Variants in KLHL25 observed in about 807,000 individuals in gnomAD.
The protein encoded by KLHL25 is kelch-like protein 25.
In KLHL25, 41 loss-of-function variants were observed where a neutral mutation model predicts 30.0. That is an observed-to-expected ratio of 1.37 (90% CI 1.07 to 1.78). The LOEUF is 1.78. KLHL25 is among the 40% of genes most tolerant of loss of function. The pLI is 0.00. For synonymous variants in KLHL25, 399 were observed against 355.3 expected (o/e 1.12, Z -1.38); for missense variants, 971 against 824.5 (o/e 1.18, Z -2.18).
At chr15:85,781,460 G>A (rs188934384) in intron 1 of KLHL25, among the ~76,000 whole-genome samples, 2 of 152,118 alleles carry the variant, frequency 1.3e-5, no homozygotes, top group African/African-American at 4.8e-5. Context: ...CACACTTTGA[G>A]AACATTGCGG....
rs1275296258 is a variant in KLHL25, at chr15:85,794,862, C to T, written c.-107G>A. 6 of 152,488 alleles carry T rather than the reference C, an allele frequency of 3.9e-5. No individual in the cohort carries two copies. The East Asian group carries it at 1.2e-3, about 29-fold the overall frequency. 9.4% of individuals were successfully genotyped at this position (152,488 alleles called of 1,614,324 possible). On this transcript the variant is annotated 5_prime_UTR_variant, in exon 1 of 3. Coordinates refer to ENST00000337975, the MANE Select transcript of KLHL25 (RefSeq NM_022480.4). Reference sequence around the variant, plus strand: ...CTCCGCCGCGGCTCCCGTCGGCCGGCTCTCCACAGGCAAAAACGCTCTCGC... The same window carrying T: ...CTCCGCCGCGGCTCCCGTCGGCCGGTTCTCCACAGGCAAAAACGCTCTCGC...
chr15:85,782,914 T>A (rs1475572819), intron 1 of KLHL25, among the ~76,000 whole-genome samples: 2 of 152,108 alleles, frequency 1.3e-5, no homozygotes, highest in African/African-American at 4.8e-5. Context: ...TCATCTTTGC[T>A]ACCTAGAATC....
chr15:85,762,453 C>G (rs922939775), intron 2 of KLHL25: 13 of 7,474 alleles, frequency 1.7e-3, no homozygotes, highest in African/African-American at 2.8e-3. Flanking sequence ...CAGGCTGGGT[C>G]CCTTTGTTCC....
At position 85,769,166 on chromosome 15, in the gene KLHL25, G is replaced by A; in HGVS notation, c.645C>T (p.Leu215=). 6.2e-7 allele frequency: 1 copy of A among 1,613,212 alleles called. No individual in the cohort carries two copies. The highest frequency in any genetic ancestry group is 8.5e-7 in the Non-Finnish European group (1 of 1,179,798). ...EDERVVFEAI[L]QWVKHDLEPR... is the part of the protein sequence containing the mutation. ...GCTCCAGGTCGTGCTTCACCCACTG[G>A]AGGATGGCCTCGAAGACCACCCGCT... The change falls in exon 2 of 3, where the codon CTC becomes CTT. Residue 215 remains leucine, a synonymous_variant. Coordinates refer to ENST00000337975, the MANE Select transcript of KLHL25 (RefSeq NM_022480.4).
chr15:85,769,257 A>G lies in KLHL25; in HGVS notation c.554T>C (p.Phe185Ser). 1 of 1,613,844 alleles carries G rather than the reference A, an allele frequency of 6.2e-7. No individual in the cohort carries two copies. Among genetic ancestry groups the G allele is most frequent in the South Asian group, 1.1e-5 (1 of 91,082 alleles). The change falls in exon 2 of 3, where the codon TTC becomes TCC. Residue 185 changes from phenylalanine (F) to serine (S), a missense_variant. Phe to Ser is a radical substitution (Grantham distance 155, BLOSUM62 -2). Transcript: ENST00000337975. ...CAGTGTGTCCTTGGACAGGCTGTTGAAGTCCTCGCTCTGCCTCACCGTCTC... is the reference window on the plus strand; with the variant it reads ...CAGTGTGTCCTTGGACAGGCTGTTGGAGTCCTCGCTCTGCCTCACCGTCTC... The part of the protein sequence containing the change: ...HFETVRQSED[F>S]NSLSKDTLLD...
chr15:85,770,477 C>T lies in KLHL25; in HGVS notation c.-10-657G>A, dbSNP rs765529350. On this transcript the variant is annotated intron_variant, in intron 1 of 2. Transcript: ENST00000337975. ...CTCCAAGCGGTACTGGCTAGACATC[C>T]CCCTTGCCTTGGAACAAGAGCCGCC... 3 of 531,234 alleles carry T rather than the reference C, an allele frequency of 5.6e-6. No individual in the cohort carries two copies. The East Asian group carries it at 1.6e-4, about 29-fold the overall frequency. 32.9% of individuals were successfully genotyped at this position (531,234 alleles called of 1,614,324 possible). A position where few individuals can be genotyped will look rare whatever the true frequency, so the allele number is the denominator to read the frequency against.
intron 1 of KLHL25, among the ~76,000 whole-genome samples, chr15:85,771,487 C>T (rs907080251): frequency 2.6e-5 from 4 of 152,248 alleles, no homozygotes; most frequent in Admixed American, 2.6e-4. Flanking sequence ...GGCTACATGG[C>T]TCTCTCTTGC....
rs1026782981 is a variant in KLHL25 at position 85,769,772 on chromosome 15, G to A, written c.39C>T (p.Ser13=). ...GGGTGACGTTCATGGACCCCGTGCT[G>A]CTCCGCGACTTGCGGGTCTCATGGA... ...VSVHETRKSR[S]STGSMNVTLF... is the part of the protein sequence containing the mutation. The change falls in exon 2 of 3, where the codon AGC becomes AGT. Residue 13 remains serine (S), a synonymous_variant. Coordinates refer to ENST00000337975, the MANE Select transcript of KLHL25 (RefSeq NM_022480.4). 1 of 1,612,474 alleles carries A rather than the reference G, an allele frequency of 6.2e-7. No homozygotes were observed. Among genetic ancestry groups the A allele is most frequent in the East Asian group, 2.2e-5 (1 of 44,868 alleles).
At chr15:85,782,742 CAT>C (rs563848759) in intron 1 of KLHL25, among the ~76,000 whole-genome samples, 139 of 152,260 alleles carry the variant, frequency 9.1e-4, no homozygotes, top group Non-Finnish European at 1.6e-3. Flanking sequence ...CAGTAAATAA[CAT>C]AATTTTGTCT....
chr15:85,772,077 C>G (rs1206432934), intron 1 of KLHL25, among the ~76,000 whole-genome samples: 2 of 152,196 alleles, frequency 1.3e-5, no homozygotes, highest in African/African-American at 4.8e-5. Flanking sequence ...CCAGACCACC[C>G]CCTTGGTGAT....
chr15:85,765,181 T>C (rs1330223842), intron 2 of KLHL25, among the ~76,000 whole-genome samples: 1 of 152,126 alleles, frequency 6.6e-6, no homozygotes, highest in Non-Finnish European at 1.5e-5. Context: ...GGGGCCTCCA[T>C]TTCCCACAGG....
chr15:85,772,915 C>A (rs945068403), intron 1 of KLHL25, among the ~76,000 whole-genome samples: 1 of 152,272 alleles, frequency 6.6e-6, no homozygotes, highest in Non-Finnish European at 1.5e-5. Context: ...GCCTGGGGCA[C>A]CTCTGTGCCA....
chr15:85,790,550 T>C lies in KLHL25; in HGVS notation c.-11+4216A>G, dbSNP rs1362630775. The stretch of plus-strand genomic sequence containing the variant: ...AGCAAAACATTTAATAGAAGTATTA[T>C]ACAGGAGAGCAAATTGAGGCTCACA... On this transcript the variant is annotated intron_variant, in intron 1 of 2. Coordinates refer to ENST00000337975, the MANE Select transcript of KLHL25 (RefSeq NM_022480.4). 2.0e-5 allele frequency among the ~76,000 whole-genome samples: 3 copies of C among 152,304 alleles called. No homozygotes were observed. The South Asian group carries it at 6.2e-4, about 32-fold the overall frequency.
chr15:85,777,379 A>G (rs1257258281), intron 1 of KLHL25, among the ~76,000 whole-genome samples: 1 of 152,080 alleles, frequency 6.6e-6, no homozygotes, highest in Non-Finnish European at 1.5e-5. Context: ...AATGCTCTCA[A>G]ATTGTGTCTC....
chr15:85,769,653 C>A lies in KLHL25; in HGVS notation c.158G>T (p.Gly53Val), dbSNP rs760181860. 6.2e-7 allele frequency: 1 copy of A among 1,613,468 alleles called. No individual in the cohort carries two copies. The highest frequency in any genetic ancestry group is 1.3e-5 in the African/African-American group (1 of 74,926). ...CMFTDVTLWA[G>V]DRAFPCHRAV... The stretch of plus-strand genomic sequence containing the variant: ...ACGGTGACAGGGGAAGGCACGGTCG[C>A]CCGCCCAGAGTGTGACGTCGGTGAA... The change falls in exon 2 of 3, where the codon GGC (glycine) becomes GTC (valine). Residue 53 changes from glycine (G) to valine (V), a missense_variant. Physicochemically the swap from Gly to Val is moderately radical, Grantham distance 109 (BLOSUM62 -3). Transcript: ENST00000337975.
intron 1 of KLHL25, chr15:85,771,106 C>A: frequency 5.3e-6 from 1 of 187,880 alleles, no homozygotes; most frequent in Non-Finnish European, 1.2e-5. Context: ...ACCACCTTGT[C>A]AAGACCCTCA....
chr15:85,771,871 C>G (rs1411048725), intron 1 of KLHL25, among the ~76,000 whole-genome samples: 1 of 152,236 alleles, frequency 6.6e-6, no homozygotes, highest in Non-Finnish European at 1.5e-5. Context: ...CAACTATTTC[C>G]TGAGCACATC....
In KLHL25 at chr15:85,769,220, G is replaced by C. The variant is rs751931852; in HGVS notation, c.591C>G (p.Ile197Met). 7 of 1,613,660 alleles carry C rather than the reference G, an allele frequency of 4.3e-6. No individual in the cohort carries two copies. The highest frequency in any genetic ancestry group is 3.3e-5 in the South Asian group (3 of 91,094). Reference sequence around the variant, plus strand: ...CCTCGGTCTCCAGCTCATCACTCGAGATGAGGTCCAGCAGTGTGTCCTTGG... The same window carrying C: ...CCTCGGTCTCCAGCTCATCACTCGACATGAGGTCCAGCAGTGTGTCCTTGG... The part of the protein sequence containing the change: ...SLSKDTLLDL[I>M]SSDELETEDE... Residue 197 changes from isoleucine (I) to methionine (M), a missense_variant, in exon 2 of 3, where the codon ATC becomes ATG. Physicochemically the swap from Ile to Met is conservative, Grantham distance 10. Coordinates refer to ENST00000337975, the MANE Select transcript of KLHL25 (RefSeq NM_022480.4).
chr15:85,785,591 A>C lies in KLHL25; in HGVS notation c.-11+9175T>G, dbSNP rs148169819. ...TTTTTTTTTTTTCCACCTAGAGGAA[A>C]CTCCAGGCACAGGAAGTGGTTCAGA... is the stretch of plus-strand genomic sequence containing the variant. On this transcript the variant is annotated intron_variant, in intron 1 of 2. Coordinates refer to ENST00000337975, the MANE Select transcript of KLHL25 (RefSeq NM_022480.4). 3.3e-5 allele frequency among the ~76,000 whole-genome samples: 5 copies of C among 151,034 alleles called. No individual in the cohort carries two copies. The East Asian group carries it at 9.8e-4, about 29-fold the overall frequency.
Sources: allele counts gnomAD v4.1 joint callset (sites outside exome capture counted in the v4.1 genomes callset), GRCh38; gene constraint gnomAD v4.1.1; transcripts MANE v1.5; gene names NCBI Gene and HGNC (gene_info 2026-07-23, HGNC 2026-07-21).